Variants in TSHZ1 observed in about 807,000 individuals in gnomAD.
TSHZ1 encodes the protein teashirt homolog 1.
Under a neutral mutation model 67.1 loss-of-function variants are expected in TSHZ1, and 12 were observed. The ratio of observed to expected loss-of-function variants is 0.18; its 90% CI spans 0.11 to 0.29. The LOEUF (loss-of-function observed/expected upper bound fraction) is 0.29. Ranked by LOEUF, TSHZ1 falls within the 10% of genes least tolerant of loss-of-function variation. The pLI is 1.00. For synonymous variants in TSHZ1, 632 were observed against 622.4 expected, an observed-to-expected ratio of 1.02 and a Z score of -0.23; for missense variants, 1,305 against 1,413.9, an observed-to-expected ratio of 0.92 and a Z score of 1.23.
At chr18:75,285,124 T>C (rs1053401315) in intron 1 of TSHZ1, 4 of 225,672 alleles carry the variant, frequency 1.8e-5, no homozygotes, top group Non-Finnish European at 3.4e-5. Flanking sequence ...GAACAGCCTA[T>C]AGGAGGGGTA....
At chr18:75,252,449 T>C (rs2023316714) in intron 1 of TSHZ1, among the ~76,000 whole-genome samples, 1 of 152,338 alleles carries the variant, frequency 6.6e-6, no homozygotes, top group East Asian at 1.9e-4. Flanking sequence ...TATATTGAGT[T>C]GTTTTTATGT....
At chr18:75,222,872 G>A (rs537452657) in intron 1 of TSHZ1, among the ~76,000 whole-genome samples, 13 of 152,244 alleles carry the variant, frequency 8.5e-5, no homozygotes, top group African/African-American at 3.1e-4. Context: ...ACTGGCTAAA[G>A]GCATTAGACT....
At chr18:75,250,246 C>A (rs1208874116) in intron 1 of TSHZ1, among the ~76,000 whole-genome samples, 1 of 152,150 alleles carries the variant, frequency 6.6e-6, no homozygotes, top group Non-Finnish European at 1.5e-5. Context: ...CCTGGCTGGC[C>A]CTGCCAGGCT....
chr18:75,233,071 A>G (rs2023020803), intron 1 of TSHZ1, among the ~76,000 whole-genome samples: 1 of 152,138 alleles, frequency 6.6e-6, no homozygotes, highest in Non-Finnish European at 1.5e-5. Context: ...GCAGCCTGGG[A>G]GCAGTTATGA....
chr18:75,225,161 A>C (rs1488152864), intron 1 of TSHZ1, among the ~76,000 whole-genome samples: 1 of 152,210 alleles, frequency 6.6e-6, no homozygotes, highest in Non-Finnish European at 1.5e-5. Flanking sequence ...TGGGACGTGG[A>C]AGCTGCACAA....
intron 1 of TSHZ1, among the ~76,000 whole-genome samples, chr18:75,253,587 C>G (rs901772693): frequency 2.0e-5 from 3 of 152,142 alleles, no homozygotes; most frequent in Non-Finnish European, 2.9e-5. Context: ...GGATTATTTA[C>G]CCTGGAAAAG....
At position 75,269,734 on chromosome 18, in the gene TSHZ1, C is replaced by A. The variant is rs147495479; in HGVS notation, c.41-15714C>A. On this transcript the variant is annotated intron_variant, in intron 1 of 1. Coordinates refer to ENST00000580243, the MANE Select transcript of TSHZ1 (RefSeq NM_001308210.2). ...TTGCATTGCTGTGTAGCCATCACCA[C>A]CCCATCCATTCCCAGAACTTTTTCA... Among the ~76,000 whole-genome samples, 609 of 152,302 alleles carry A rather than the reference C, an allele frequency of 4.0e-3. 8 individuals are homozygous for A. The highest frequency in any genetic ancestry group is 0.014 in the African/African-American group (588 of 41,556).
chr18:75,244,931 TTC>T (rs2023204194), intron 1 of TSHZ1, among the ~76,000 whole-genome samples: 1 of 152,096 alleles, frequency 6.6e-6, no homozygotes, highest in Admixed American at 6.5e-5. Context: ...CGTTTGTCTC[TTC>T]TCTCTCTCCT....
At chr18:75,230,533 G>T (rs1490759800) in intron 1 of TSHZ1, among the ~76,000 whole-genome samples, 4 of 152,288 alleles carry the variant, frequency 2.6e-5, no homozygotes, top group African/African-American at 9.6e-5. Flanking sequence ...TTTTCTTGGA[G>T]AGTTTGAATG....
At chr18:75,261,198 G>A (rs4891251) in intron 1 of TSHZ1, among the ~76,000 whole-genome samples, 86,096 of 151,704 alleles carry the variant, frequency 0.57, 24,669 homozygotes, top group South Asian at 0.69. Flanking sequence ...GGAGAGATGG[G>A]AAAGGGTGGA....
chr18:75,227,853 T>G (rs1369519870), intron 1 of TSHZ1, among the ~76,000 whole-genome samples: 22 of 152,262 alleles, frequency 1.4e-4, no homozygotes. Context: ...TAATTTATTT[T>G]TGCAGCCAGA....
chr18:75,211,702 GGCGGTCCATGCGAGCGGCTCCCC>G lies in TSHZ1; in HGVS notation c.-167_-145del, dbSNP rs1368911783. On this transcript the variant is annotated 5_prime_UTR_variant, in exon 1 of 2. The change abolishes an upstream ATG in the 5' untranslated region. Transcript: ENST00000580243. ...CCGCCTCCTGAGCGGCCCCGGGCGCGGCGGTCCATGCGAGCGGCTCCCCGCGGTCCGCGGCGCGCCCGGAGCCC... is the reference window on the plus strand; with the variant it reads ...CCGCCTCCTGAGCGGCCCCGGGCGCGGCGGTCCGCGGCGCGCCCGGAGCCC... The G allele has an allele frequency of 5.7e-6, 1 of 176,814 alleles. No homozygotes were observed. Among genetic ancestry groups the G allele is most frequent in the African/African-American group, 2.5e-5 (1 of 40,668 alleles). The allele number at this position is 176,814 out of a possible 1,614,324, so 11.0% of individuals were successfully genotyped here.
At position 75,286,040 on chromosome 18, in the gene TSHZ1, G is replaced by A. The variant is rs138154252; in HGVS notation, c.633G>A (p.Thr211=). ...QAALAKTLQQ[T]SSYGLLPEPS... is the part of the protein sequence containing the mutation. ...CACTGGCCAAGACGCTGCAGCAGACGTCCTCGTATGGGCTGCTTCCTGAGC... is the reference window on the plus strand; with the variant it reads ...CACTGGCCAAGACGCTGCAGCAGACATCCTCGTATGGGCTGCTTCCTGAGC... Residue 211 remains threonine, a synonymous_variant, in exon 2 of 2, where the codon ACG becomes ACA. Transcript: ENST00000580243. This position sits in a 1 kb window ranked among gnomAD's most constrained non-coding sequence, Gnocchi z 5.1. 3.4e-5 allele frequency: 55 copies of A among 1,612,898 alleles called. No individual in the cohort carries two copies. The highest frequency in any genetic ancestry group is 4.1e-5 in the Non-Finnish European group (48 of 1,179,722).
At position 75,231,272 on chromosome 18, in the gene TSHZ1, G is replaced by A. The variant is rs145572260; in HGVS notation, c.40+19356G>A. Among the ~76,000 whole-genome samples the A allele has an allele frequency of 9.8e-5, 15 of 152,358 alleles. 1 individual carries two copies. The South Asian group carries it at 1.2e-3, about 13-fold the overall frequency. On this transcript the variant is annotated intron_variant, in intron 1 of 1. Transcript: ENST00000580243. ...GCTGGCAGGGGCAGCTCAGGCGGGT[G>A]TGGCCCTGGAGCCAGGCTGCCTTTG... is the stretch of plus-strand genomic sequence containing the variant.
At chr18:75,213,061 G>A (rs1477660720) in intron 1 of TSHZ1, among the ~76,000 whole-genome samples, 1 of 152,206 alleles carries the variant, frequency 6.6e-6, no homozygotes, top group Non-Finnish European at 1.5e-5. Flanking sequence ...AATAGAATCT[G>A]AATAAGTTTG....
chr18:75,283,810 T>G (rs2023716655), intron 1 of TSHZ1: 1 of 152,276 alleles, frequency 6.6e-6, no homozygotes, highest in South Asian at 2.1e-4. Context: ...ATTTGCGGGT[T>G]TTGAGGCTCT....
At chr18:75,237,974 G>C (rs868173738) in intron 1 of TSHZ1, among the ~76,000 whole-genome samples, 20 of 151,946 alleles carry the variant, frequency 1.3e-4, no homozygotes, top group African/African-American at 4.8e-4. Context: ...CACCATGCCC[G>C]GCTAATTTTG....
chr18:75,259,493 C>A (rs2023404272), intron 1 of TSHZ1, among the ~76,000 whole-genome samples: 1 of 152,178 alleles, frequency 6.6e-6, no homozygotes, highest in African/African-American at 2.4e-5. Context: ...CCCGGCATAT[C>A]CAGACTGTAG....
chr18:75,286,877 C>T lies in TSHZ1; in HGVS notation c.1470C>T (p.Pro490=), dbSNP rs754079214. ...ASSIKKQPDS[P]AGSTTSEEKK... is the part of the protein sequence containing the mutation. ...GCATCAAAAAGCAGCCCGACTCTCC[C>T]GCGGGGTCCACGACTTCTGAAGAAA... The change falls in exon 2 of 2, where the codon CCC becomes CCT. Residue 490 remains proline, a synonymous_variant. Transcript: ENST00000580243. The surrounding 1 kb of genome is among the most constrained non-coding windows in gnomAD (Gnocchi z 5.1). 16 of 1,614,066 alleles carry T rather than the reference C, an allele frequency of 9.9e-6. No homozygotes were observed. The highest frequency in any genetic ancestry group is 1.6e-4 in the Middle Eastern group (1 of 6,084).
Sources: allele counts gnomAD v4.1 joint callset (sites outside exome capture counted in the v4.1 genomes callset), GRCh38; gene constraint gnomAD v4.1.1; non-coding constraint Gnocchi (gnomAD v3.1); transcripts MANE v1.5; gene names NCBI Gene and HGNC (gene_info 2026-07-23, HGNC 2026-07-21).